Variants in APBB1IP observed in about 807,000 individuals in gnomAD.
The protein encoded by APBB1IP is amyloid beta A4 precursor protein-binding family B member 1-interacting protein.
APBB1IP carries 27 observed loss-of-function variants against 64.9 expected under a neutral mutation model. The ratio of observed to expected loss-of-function variants is 0.42; its 90% CI spans 0.31 to 0.57. The LOEUF is 0.57. Ranked by LOEUF, APBB1IP falls within the 20% of genes least tolerant of loss-of-function variation. The probability of loss-of-function intolerance (pLI) is 0.20; values close to 1 mark genes in which losing one functional copy is unlikely to be tolerated. For missense variants in APBB1IP, 812 were observed against 845.5 expected (o/e 0.96, Z 0.49); for synonymous variants, 392 against 331.0 (o/e 1.18, Z -2.00).
intron 2 of APBB1IP, among the ~76,000 whole-genome samples, chr10:26,476,463 A>G (rs866710078): frequency 2.4e-4 from 36 of 149,346 alleles, no homozygotes; most frequent in Admixed American, 8.6e-4. Context: ...AAAAAAAAAA[A>G]AAGAAGAAAA....
rs1835722781 is a variant in APBB1IP, at chr10:26,471,991, C to CT, written c.1-20334dup. Among the ~76,000 whole-genome samples, 4 of 152,118 alleles carry CT rather than the reference C, an allele frequency of 2.6e-5. No individual in the cohort carries two copies. In the South Asian group the frequency reaches 8.3e-4, roughly 32 times the overall value. ...AGCCACTGTGCCCGGCCTGTTTGAG[C>CT]TTATTCATGCAAACTTTAGCAGACT... On this transcript the variant is annotated intron_variant, in intron 2 of 14. Coordinates refer to ENST00000376236, the MANE Select transcript of APBB1IP (RefSeq NM_019043.4).
chr10:26,530,667 C>G (rs1012267140), intron 8 of APBB1IP, among the ~76,000 whole-genome samples: 11 of 149,042 alleles, frequency 7.4e-5, no homozygotes, highest in African/African-American at 2.8e-4. Flanking sequence ...TCCACCCTGG[C>G]GACAGAGCAA....
At chr10:26,527,542 C>CA (rs550297713) in intron 8 of APBB1IP, among the ~76,000 whole-genome samples, 3,568 of 91,060 alleles carry the variant, frequency 0.039, 92 homozygotes, top group African/African-American at 0.1. Context: ...TACCTTGTCT[C>CA]AAAAAAAAAA....
intron 2 of APBB1IP, among the ~76,000 whole-genome samples, chr10:26,440,069 C>T (rs1054210497): frequency 6.6e-6 from 1 of 152,184 alleles, no homozygotes; most frequent in African/African-American, 2.4e-5. Flanking sequence ...AATTTAACTT[C>T]ATCCTTAAAC....
intron 2 of APBB1IP, among the ~76,000 whole-genome samples, chr10:26,471,980 G>A (rs578204437): frequency 6.6e-6 from 1 of 152,270 alleles, no homozygotes; most frequent in East Asian, 1.9e-4. Flanking sequence ...ACTGTGCCCG[G>A]CCTGTTTGAG....
At chr10:26,449,144 A>G (rs1835437849) in intron 2 of APBB1IP, among the ~76,000 whole-genome samples, 1 of 152,178 alleles carries the variant, frequency 6.6e-6, no homozygotes, top group South Asian at 2.1e-4. Flanking sequence ...CCTGTTCTAG[A>G]AACTATACTT....
At chr10:26,559,451 C>T (rs1410039124) in intron 11 of APBB1IP, among the ~76,000 whole-genome samples, 1 of 151,654 alleles carries the variant, frequency 6.6e-6, no homozygotes, top group South Asian at 2.1e-4. Context: ...GTGGTGTGCA[C>T]CTGTAGTCCT....
chr10:26,448,541 G>A (rs928204602), intron 2 of APBB1IP, among the ~76,000 whole-genome samples: 3 of 152,154 alleles, frequency 2.0e-5, no homozygotes, highest in African/African-American at 7.2e-5. Context: ...TGTTGACTAT[G>A]CAACTGAAAG....
At chr10:26,490,596 G>T (rs1449328184) in intron 2 of APBB1IP, among the ~76,000 whole-genome samples, 1 of 152,124 alleles carries the variant, frequency 6.6e-6, no homozygotes, top group Non-Finnish European at 1.5e-5. Context: ...CTGCACCCCA[G>T]CCTGGGCGAC....
At chr10:26,490,987 T>C (rs570421707) in intron 2 of APBB1IP, among the ~76,000 whole-genome samples, 146 of 152,240 alleles carry the variant, frequency 9.6e-4, no homozygotes, top group African/African-American at 3.4e-3. Flanking sequence ...CATTTTGAAA[T>C]GTCCTTAGAG....
chr10:26,557,524 T>G (rs1836909136), intron 11 of APBB1IP, among the ~76,000 whole-genome samples: 1 of 152,220 alleles, frequency 6.6e-6, no homozygotes, highest in Non-Finnish European at 1.5e-5. Context: ...CATTTCTGAA[T>G]TTTTCCGTAG....
chr10:26,528,320 C>T (rs531290966), intron 8 of APBB1IP, among the ~76,000 whole-genome samples: 3 of 152,198 alleles, frequency 2.0e-5, no homozygotes, highest in Admixed American at 6.5e-5. Flanking sequence ...TGACTGGCTG[C>T]TCACTAGTGC....
At position 26,567,121 on chromosome 10, in the gene APBB1IP, G is replaced by A. The variant is rs1300979928; in HGVS notation, c.1634G>A (p.Gly545Asp). 2 of 1,424,198 alleles carry A rather than the reference G, an allele frequency of 1.4e-6. No individual in the cohort carries two copies. Among genetic ancestry groups the A allele is most frequent in the Non-Finnish European group, 1.8e-6 (2 of 1,101,202 alleles). The allele number at this position is 1,424,198 out of a possible 1,614,324, so 88.2% of individuals were successfully genotyped here. The change falls in exon 15 of 15, where the codon GGC becomes GAC. Residue 545 changes from glycine to aspartate, a missense_variant. Gly to Asp is a moderately conservative substitution (Grantham distance 94, BLOSUM62 -1). Around this residue, in one of 3 missense-constraint regions of APBB1IP, gnomAD observed 381 missense variants for 352.1 expected, o/e 1.08. Coordinates refer to ENST00000376236, the MANE Select transcript of APBB1IP (RefSeq NM_019043.4). ...PLKAKGTGGG[G>D]LPAPPDDFLP... is the part of the protein sequence containing the mutation. Reference sequence around the variant, plus strand: ...AAGGCCAAGGGCACAGGCGGCGGGGGCTTGCCCGCCCCACCCGACGACTTC... The same window carrying A: ...AAGGCCAAGGGCACAGGCGGCGGGGACTTGCCCGCCCCACCCGACGACTTC...
chr10:26,449,268 T>A (rs974027841), intron 2 of APBB1IP, among the ~76,000 whole-genome samples: 6 of 152,136 alleles, frequency 3.9e-5, no homozygotes, highest in Non-Finnish European at 8.8e-5. Context: ...GAAGTAACCA[T>A]CCCCTTGTGG....
intron 11 of APBB1IP, among the ~76,000 whole-genome samples, chr10:26,545,749 G>A (rs1410826958): frequency 4.1e-5 from 6 of 145,812 alleles, no homozygotes; most frequent in Admixed American, 6.9e-5. Context: ...GACAGAGCGA[G>A]ACTCCGTCTC....
At chr10:26,508,989 A>G (rs558217771) in intron 6 of APBB1IP, among the ~76,000 whole-genome samples, 8 of 152,220 alleles carry the variant, frequency 5.3e-5, no homozygotes, top group African/African-American at 1.9e-4. Flanking sequence ...TTCCATCAGG[A>G]ACATTAAATT....
chr10:26,540,315 C>G (rs1285245393), intron 10 of APBB1IP, among the ~76,000 whole-genome samples: 1 of 152,142 alleles, frequency 6.6e-6, no homozygotes, highest in Non-Finnish European at 1.5e-5. Flanking sequence ...TGGCTCACTC[C>G]TCTAATCCCA....
At chr10:26,531,922 G>A (rs564864380) in intron 8 of APBB1IP, among the ~76,000 whole-genome samples, 1 of 152,190 alleles carries the variant, frequency 6.6e-6, no homozygotes, top group South Asian at 2.1e-4. Flanking sequence ...CTCCAGCTTG[G>A]GTAACAGAGC....
chr10:26,529,413 T>C (rs1836519961), intron 8 of APBB1IP, among the ~76,000 whole-genome samples: 1 of 152,246 alleles, frequency 6.6e-6, no homozygotes, highest in African/African-American at 2.4e-5. Flanking sequence ...AAAAACAGTG[T>C]AGCATGGTCA....
Sources: gnomAD v4.1 joint callset for allele counts (sites outside exome capture counted in the v4.1 genomes callset) on GRCh38, gnomAD v4.1.1 for gene constraint, gnomAD v4.1.1 regional missense constraint, MANE v1.5 for transcripts, NCBI Gene and HGNC (gene_info 2026-07-23, HGNC 2026-07-21) for gene names.